Variants in PRKD1 observed in about 807,000 individuals in gnomAD.
The protein encoded by PRKD1 is protein kinase D1.
PRKD1 carries 63 observed loss-of-function variants against 95.9 expected under a neutral mutation model. The observed-to-expected ratio is 0.66, with a 90% CI of 0.54 to 0.81. The LOEUF (loss-of-function observed/expected upper bound fraction) is 0.81, where lower values mean the gene tolerates loss of function less well. Ranked by LOEUF, PRKD1 falls within the 30% of genes least tolerant of loss-of-function variation. The pLI is 0.00. For missense variants in PRKD1, 1,048 were observed against 1,165.3 expected (o/e 0.90, Z 1.47); for synonymous variants, 425 against 423.1 (o/e 1.00, Z -0.05).
intron 1 of PRKD1, among the ~76,000 whole-genome samples, chr14:29,787,763 A>T (rs1889341934): frequency 6.6e-6 from 1 of 152,092 alleles, no homozygotes; most frequent in African/African-American, 2.4e-5. Flanking sequence ...CAGGCAGCTT[A>T]TAGTTAGGTC....
intron 16 of PRKD1, among the ~76,000 whole-genome samples, chr14:29,578,872 T>C (rs911010964): frequency 6.6e-6 from 1 of 152,128 alleles, no homozygotes; most frequent in Non-Finnish European, 1.5e-5. Flanking sequence ...ATGGGTCATA[T>C]CTCATGATAA....
chr14:29,885,396 G>A (rs1007221588), intron 1 of PRKD1, among the ~76,000 whole-genome samples: 9 of 151,866 alleles, frequency 5.9e-5, no homozygotes, highest in South Asian at 2.1e-4. Flanking sequence ...TGACATTTAC[G>A]GTGTCCTACT....
intron 1 of PRKD1, among the ~76,000 whole-genome samples, chr14:29,871,290 C>A (rs373658980): frequency 3.3e-5 from 5 of 152,310 alleles, no homozygotes; most frequent in East Asian, 3.9e-4. Flanking sequence ...TTCACACCTT[C>A]CTCTTCTAAA....
At chr14:29,878,669 T>C (rs1893392585) in intron 1 of PRKD1, among the ~76,000 whole-genome samples, 1 of 152,148 alleles carries the variant, frequency 6.6e-6, no homozygotes, top group Non-Finnish European at 1.5e-5. Flanking sequence ...GAATGAACAT[T>C]GTATGATTCC....
chr14:29,815,444 T>C (rs1402175913), intron 1 of PRKD1, among the ~76,000 whole-genome samples: 1 of 152,178 alleles, frequency 6.6e-6, no homozygotes, highest in East Asian at 1.9e-4. Context: ...AGGGAAAATC[T>C]AGGTATAAAA....
intron 4 of PRKD1, among the ~76,000 whole-genome samples, chr14:29,651,175 A>G (rs1362835431): frequency 6.6e-6 from 1 of 152,224 alleles, no homozygotes; most frequent in African/African-American, 2.4e-5. Flanking sequence ...GAAAGAGACA[A>G]AAGATAAGAG....
At chr14:29,887,479 T>C (rs1394181549) in intron 1 of PRKD1, among the ~76,000 whole-genome samples, 3 of 152,324 alleles carry the variant, frequency 2.0e-5, no homozygotes, top group East Asian at 1.9e-4. Flanking sequence ...AAGAATACTA[T>C]GGAAAAACTG....
intron 1 of PRKD1, among the ~76,000 whole-genome samples, chr14:29,761,332 G>T (rs1234262654): frequency 3.9e-5 from 6 of 152,162 alleles, no homozygotes; most frequent in African/African-American, 1.4e-4. Flanking sequence ...TGAGTTCAAT[G>T]CCCAAATTCA....
chr14:29,860,064 G>A (rs1456673984), intron 1 of PRKD1, among the ~76,000 whole-genome samples: 1 of 152,160 alleles, frequency 6.6e-6, no homozygotes, highest in African/African-American at 2.4e-5. Context: ...AGACTTAAGG[G>A]CAAAAGGTTG....
intron 8 of PRKD1, 99 bp from the exon 9 acceptor site, chr14:29,633,045 A>C (rs1880129135): frequency 3.6e-6 from 4 of 1,117,070 alleles, no homozygotes; most frequent in African/African-American, 1.5e-5. Flanking sequence ...ATGCGATTTG[A>C]GGGTGGAAAG....
chr14:29,610,244 T>C (rs1218165698), intron 13 of PRKD1, among the ~76,000 whole-genome samples: 1 of 151,758 alleles, frequency 6.6e-6, no homozygotes, highest in African/African-American at 2.4e-5. Flanking sequence ...TGGGAGAAAA[T>C]ATTTGCAAAA....
At chr14:29,824,596 A>T (rs886303929) in intron 1 of PRKD1, among the ~76,000 whole-genome samples, 14 of 152,142 alleles carry the variant, frequency 9.2e-5, no homozygotes, top group African/African-American at 2.9e-4. Context: ...AATTATAAAC[A>T]GTGTGTCAAA....
At chr14:29,925,478 T>C (rs924429711) in intron 1 of PRKD1, among the ~76,000 whole-genome samples, 5 of 152,136 alleles carry the variant, frequency 3.3e-5, no homozygotes, top group Non-Finnish European at 7.4e-5. Context: ...CTGCATTCCA[T>C]AGGTGCTTGC....
chr14:29,734,427 T>C (rs561945874), intron 1 of PRKD1, among the ~76,000 whole-genome samples: 1 of 152,286 alleles, frequency 6.6e-6, no homozygotes, highest in South Asian at 2.1e-4. Context: ...TTAATGGATA[T>C]TGACATTTGT....
chr14:29,921,503 T>C (rs1194028638), intron 1 of PRKD1, among the ~76,000 whole-genome samples: 1 of 152,184 alleles, frequency 6.6e-6, no homozygotes. Context: ...CAAAGCAGTA[T>C]GTATGTTACA....
intron 2 of PRKD1, among the ~76,000 whole-genome samples, chr14:29,676,150 T>G (rs1883182736): frequency 6.6e-6 from 1 of 150,416 alleles, no homozygotes; most frequent in Non-Finnish European, 1.5e-5. Flanking sequence ...GTCATCTACA[T>G]TGCTGTAGGC....
intron 1 of PRKD1, among the ~76,000 whole-genome samples, chr14:29,831,932 A>G (rs1169503390): frequency 6.6e-6 from 1 of 152,182 alleles, no homozygotes; most frequent in Non-Finnish European, 1.5e-5. Context: ...ATGTTAATAC[A>G]TGTATGTACA....
At chr14:29,884,989 GGT>G (rs1893646078) in intron 1 of PRKD1, among the ~76,000 whole-genome samples, 1 of 152,036 alleles carries the variant, frequency 6.6e-6, no homozygotes, top group Non-Finnish European at 1.5e-5. Context: ...CGGGCATCGT[GGT>G]GGGCGCCTGT....
chr14:29,807,429 C>T lies in PRKD1; in HGVS notation c.265-81755G>A, dbSNP rs541737357. On this transcript the variant is annotated intron_variant, in intron 1 of 17. Transcript: ENST00000331968. Reference sequence around the variant, plus strand: ...AAAAAAAAATTGAGACAGGGTCACACTCCATGGCCCAGGCTGGAGTGCAGT... The same window carrying T: ...AAAAAAAAATTGAGACAGGGTCACATTCCATGGCCCAGGCTGGAGTGCAGT... Among the ~76,000 whole-genome samples, 10 of 152,150 alleles carry T rather than the reference C, an allele frequency of 6.6e-5. No individual in the cohort carries two copies. In the East Asian group the frequency reaches 1.9e-3, roughly 29 times the overall value.
Sources: allele counts gnomAD v4.1 joint callset (sites outside exome capture counted in the v4.1 genomes callset), GRCh38; gene constraint gnomAD v4.1.1; transcripts MANE v1.5; gene names NCBI Gene and HGNC (gene_info 2026-07-23, HGNC 2026-07-21).